The following ATRX variants were observed in gnomAD, a reference collection of about 807,000 sequenced individuals.
ATRX encodes chromatin remodeler ATRX.
ATRX carries 12 observed loss-of-function variants against 172.6 expected under a neutral mutation model. That is an observed-to-expected ratio of 0.07 (90% CI 0.04 to 0.11). The LOEUF is 0.11. Ranked by LOEUF, ATRX falls within the 10% of genes least tolerant of loss-of-function variation. ATRX has a pLI of 1.00. For missense variants in ATRX, 1,368 were observed against 1,767.4 expected (o/e 0.77, Z 4.05); for synonymous variants, 674 against 594.7 (o/e 1.13, Z -1.94).
intron 1 of ATRX, among the ~76,000 whole-genome samples, chrX:77,743,057 T>C (rs2074941373): frequency 9.0e-6 from 1 of 110,861 alleles, no homozygotes; most frequent in Non-Finnish European, 1.9e-5. Context: ...TGGCTCTGCC[T>C]GGTGTGGGAT....
At chrX:77,729,313 C>T (rs1016482764) in intron 1 of ATRX, among the ~76,000 whole-genome samples, 1 of 110,933 alleles carries the variant, frequency 9.0e-6, no homozygotes, top group Non-Finnish European at 1.9e-5. Context: ...AGTATGATGA[C>T]AATTATGTTT....
intron 12 of ATRX, among the ~76,000 whole-genome samples, chrX:77,662,186 T>C (rs1603133872): frequency 9.0e-6 from 1 of 111,715 alleles, no homozygotes; most frequent in East Asian, 2.8e-4. Context: ...ATAATTTTTT[T>C]ATAATACAAA....
intron 22 of ATRX, among the ~76,000 whole-genome samples, chrX:77,602,354 G>C (rs1448989837): frequency 9.1e-6 from 1 of 110,131 alleles, no homozygotes; most frequent in Admixed American, 9.8e-5. Context: ...TGTAAGTGAA[G>C]GAAGGTTTGT....
rs2148606722 is a variant in ATRX at position 77,683,148 on chromosome X, G to T, written c.2108C>A (p.Ser703Tyr). 1 of 1,210,278 alleles carries T rather than the reference G, an allele frequency of 8.3e-7. No homozygotes were observed. The highest frequency in any genetic ancestry group is 1.1e-6 in the Non-Finnish European group (1 of 894,554). Residue 703 changes from serine (S) to tyrosine (Y), a missense_variant, in exon 9 of 35, where the codon TCT becomes TAT. By Grantham distance (144) the Ser-to-Tyr change is moderately radical. Coordinates refer to ENST00000373344, the MANE Select transcript of ATRX (RefSeq NM_000489.6). ...VPVRKKDKRN[S>Y]SDSAIDNPKP... ...AGGATTATCTATAGCACTGTCAGAA[G>T]AATTACGCTTATCCTTTTTTCTCAC...
At position 77,590,509 on chromosome X, in the gene ATRX, G is replaced by A. The variant is rs782234143; in HGVS notation, c.6111-569C>T. Among the ~76,000 whole-genome samples, 3 of 107,953 alleles carry A rather than the reference G, an allele frequency of 2.8e-5. No individual in the cohort carries two copies. In the East Asian group the frequency reaches 8.8e-4, roughly 32 times the overall value. 93.7% of individuals were successfully genotyped at this position (107,953 alleles called of 115,157 possible). A position where few individuals can be genotyped will look rare whatever the true frequency, so the allele number is the denominator to read the frequency against. ...CGCCCGTAGTCCCAGCTACTCGGGA[G>A]GCTGAGGTAGGAGAATGGCGTGAAC... On this transcript the variant is annotated intron_variant, in intron 26 of 34. Coordinates refer to ENST00000373344, the MANE Select transcript of ATRX (RefSeq NM_000489.6).
chrX:77,742,251 C>T (rs782751964), intron 1 of ATRX, among the ~76,000 whole-genome samples: 1 of 112,040 alleles, frequency 8.9e-6, no homozygotes, highest in South Asian at 3.7e-4. Flanking sequence ...TCTAATCCTC[C>T]TAATCAAGAC....
In ATRX at chrX:77,684,079, T is replaced by C; in HGVS notation, c.1177A>G (p.Lys393Glu). 8.3e-7 allele frequency: 1 copy of C among 1,208,093 alleles called. No homozygotes were observed. The highest frequency in any genetic ancestry group is 1.1e-6 in the Non-Finnish European group (1 of 892,730). The change falls in exon 9 of 35, where the codon AAG becomes GAG. Residue 393 changes from lysine (K) to glutamate (E), a missense_variant. By Grantham distance (56) the Lys-to-Glu change is moderately conservative. Around this residue, in one of 17 missense-constraint regions of ATRX, gnomAD observed 843 missense variants for 643.1 expected, o/e 1.31. Transcript: ENST00000373344. ...ISSATKLRQL[K>E]AFKSVLADIK... is the part of the protein sequence containing the mutation. ...TCAGCCAACACAGACTTAAAAGCCT[T>C]AAGCTGACGTAATTTTGTAGCAGAA...
intron 15 of ATRX, among the ~76,000 whole-genome samples, chrX:77,639,586 T>C (rs2068555554): frequency 1.8e-5 from 2 of 111,763 alleles, no homozygotes; most frequent in Admixed American, 9.5e-5. Context: ...TACATTTTAA[T>C]GCCACAATAA....
intron 5 of ATRX, among the ~76,000 whole-genome samples, chrX:77,695,414 G>A (rs1376752942): frequency 5.4e-5 from 6 of 111,224 alleles, no homozygotes; most frequent in Non-Finnish European, 9.5e-5. Context: ...ATTAGGCATA[G>A]TTCAGGTTAG....
chrX:77,708,962 T>G (rs1211226532), intron 2 of ATRX, among the ~76,000 whole-genome samples: 1 of 112,566 alleles, frequency 8.9e-6, no homozygotes, highest in African/African-American at 3.2e-5. Flanking sequence ...ATCTAAATAC[T>G]TTGGGAGGCC....
intron 27 of ATRX, among the ~76,000 whole-genome samples, chrX:77,583,385 G>A (rs2065897448): frequency 9.0e-6 from 1 of 110,608 alleles, no homozygotes; most frequent in Non-Finnish European, 1.9e-5. Context: ...TTAGTTAGGC[G>A]CGGTGGCACA....
Position 77,682,631 on chromosome X carries a change from T to C in ATRX, c.2625A>G (p.Ser875=). 2.5e-6 allele frequency: 3 copies of C among 1,210,157 alleles called. No homozygotes were observed. The highest frequency in any genetic ancestry group is 3.4e-6 in the Non-Finnish European group (3 of 895,401). ...CTTGTTTTCTTTCAGCATCATCAGA[T>C]GATCCTTCTTGTGAGGTCTTCAAAT... ...HKNLKTSQEG[S]SDDAERKQER... The change falls in exon 9 of 35, where the codon TCA becomes TCG. Residue 875 remains serine (S), a synonymous_variant. Coordinates refer to ENST00000373344, the MANE Select transcript of ATRX (RefSeq NM_000489.6).
Position 77,521,518 on chromosome X carries a change from AAGTTATATAAGGC to A in ATRX, c.6976-33_6976-21del. ...GAGGTCCTAGAAGAATGCAAGAAAT[AAGTTATATAAGGC>A]AGAAAGACAGCATAGTGTTAAAGTA... On this transcript the variant is annotated intron_variant, in intron 32 of 34. Coordinates refer to ENST00000373344, the MANE Select transcript of ATRX (RefSeq NM_000489.6). The A allele has an allele frequency of 9.0e-7, 1 of 1,107,220 alleles. No individual in the cohort carries two copies. The highest frequency in any genetic ancestry group is 1.8e-5 in the African/African-American group (1 of 55,910). 91.2% of individuals were successfully genotyped at this position (1,107,220 alleles called of 1,213,427 possible). A position where few individuals can be genotyped will look rare whatever the true frequency, so the allele number is the denominator to read the frequency against.
At chrX:77,525,545 T>A (rs782370939) in intron 30 of ATRX, among the ~76,000 whole-genome samples, 6 of 112,708 alleles carry the variant, frequency 5.3e-5, no homozygotes, top group Non-Finnish European at 9.4e-5. Context: ...AATCTCTAAT[T>A]TTACTTCTGT....
chrX:77,681,683 T>C lies in ATRX; in HGVS notation c.3573A>G (p.Thr1191=), dbSNP rs2148569775. Residue 1191 remains threonine (T), a synonymous_variant, in exon 9 of 35, where the codon ACA becomes ACG. Transcript: ENST00000373344. ...TGTCAGCTTGCTTCCTTTTAGTGCT[T>C]GTTCTTAGGGAGTTTCTCTTTTTCT... ...VKEKKRNSLR[T]STKRKQADIT... is the part of the protein sequence containing the mutation. The C allele has an allele frequency of 8.3e-7, 1 of 1,209,275 alleles. No homozygotes were observed. The highest frequency in any genetic ancestry group is 1.1e-6 in the Non-Finnish European group (1 of 894,825).
At chrX:77,610,607 T>TA (rs199857807) in intron 22 of ATRX, among the ~76,000 whole-genome samples, 1,851 of 111,427 alleles carry the variant, frequency 0.017, 14 homozygotes, top group Non-Finnish European at 0.026. Context: ...GAGTGTACAC[T>TA]AAAAAATATT....
chrX:77,657,182 C>G (rs2069600699), intron 12 of ATRX, among the ~76,000 whole-genome samples: 1 of 111,279 alleles, frequency 9.0e-6, no homozygotes, highest in Admixed American at 9.6e-5. Flanking sequence ...TATTTTCTTT[C>G]TTTGTTTCCT....
chrX:77,705,726 AG>A (rs2072782354), intron 2 of ATRX, among the ~76,000 whole-genome samples: 2 of 112,229 alleles, frequency 1.8e-5, no homozygotes, highest in African/African-American at 6.5e-5. Context: ...AAAAACAAAG[AG>A]TTAAAATTCA....
At chrX:77,744,841 G>A (rs1557184038) in intron 1 of ATRX, among the ~76,000 whole-genome samples, 1 of 109,841 alleles carries the variant, frequency 9.1e-6, no homozygotes, top group African/African-American at 3.3e-5. Context: ...TTAAAAACTA[G>A]CTGGGTTAGC....
Sources: allele counts gnomAD v4.1 joint callset (sites outside exome capture counted in the v4.1 genomes callset), GRCh38; gene constraint gnomAD v4.1.1; regional missense constraint gnomAD v4.1.1; transcripts MANE v1.5; gene names NCBI Gene and HGNC (gene_info 2026-07-23, HGNC 2026-07-21).